Variants in PCDHGB4 observed in about 807,000 individuals in gnomAD.
PCDHGB4 encodes protocadherin gamma-B4.
In PCDHGB4, 38 loss-of-function variants were observed where a neutral mutation model predicts 60.5. The ratio of observed to expected loss-of-function variants is 0.63; its 90% CI spans 0.48 to 0.82. The LOEUF (loss-of-function observed/expected upper bound fraction) is 0.82. Among genes scored for constraint, PCDHGB4 ranks in the 40% least tolerant of loss-of-function variants. The pLI, the probability that PCDHGB4 is intolerant of heterozygous loss-of-function variation, is 0.00. For synonymous variants in PCDHGB4, 456 were observed against 509.7 expected (o/e 0.89, Z 1.42); for missense variants, 1,109 against 1,209.6 (o/e 0.92, Z 1.23).
At chr5:141,403,686 G>T in intron 1 of PCDHGB4, 1 of 1,613,824 alleles carries the variant, frequency 6.2e-7, no homozygotes, top group Non-Finnish European at 8.5e-7. Context: ...TTTGCTCAAC[G>T]GATTTACCGA....
chr5:141,427,129 T>A lies in PCDHGB4; in HGVS notation c.2397+36848T>A, dbSNP rs752552669. ...GAGATCACCTACTCTTTCAAATCCC[T>A]ACGAGATGATATTGGAAATATGTTT... On this transcript the variant is annotated intron_variant, in intron 1 of 3. Coordinates refer to ENST00000519479, the MANE Select transcript of PCDHGB4 (RefSeq NM_003736.4). 125 of 457,106 alleles carry A rather than the reference T, an allele frequency of 2.7e-4. 2 individuals are homozygous for A. Among genetic ancestry groups the A allele is most frequent in the Non-Finnish European group, 4.0e-5 (9 of 227,024 alleles). The allele number at this position is 457,106 out of a possible 1,614,324, so 28.3% of individuals were successfully genotyped here.
Position 141,476,160 on chromosome 5 carries a change from G to A in PCDHGB4, c.2398-18647G>A, listed in dbSNP as rs781765205. 4.3e-6 allele frequency: 7 copies of A among 1,612,858 alleles called. No homozygotes were observed. The highest frequency in any genetic ancestry group is 5.9e-6 in the Non-Finnish European group (7 of 1,179,926). On this transcript the variant is annotated intron_variant, in intron 1 of 3. Coordinates refer to ENST00000519479, the MANE Select transcript of PCDHGB4 (RefSeq NM_003736.4). This position sits in a 1 kb window ranked among gnomAD's most constrained non-coding sequence, Gnocchi z 7.6. ...AGGAGCGGACTGGTAAGCACCGGGA[G>A]GGTAGTGGGAGTTTTGCTTCTGCTT...
At chr5:141,414,748 G>T (rs765780935) in intron 1 of PCDHGB4, 1 of 1,614,182 alleles carries the variant, frequency 6.2e-7, no homozygotes, top group South Asian at 1.1e-5. Context: ...CAGATCCTTC[G>T]ACTATGAGCA....
chr5:141,433,634 G>T (rs2097636752), intron 1 of PCDHGB4, among the ~76,000 whole-genome samples: 1 of 152,078 alleles, frequency 6.6e-6, no homozygotes, highest in Admixed American at 6.5e-5. Flanking sequence ...TTGGGAGTTT[G>T]AGACCAGCCT....
chr5:141,389,652 G>C lies in PCDHGB4; in HGVS notation c.1768G>C (p.Val590Leu). The part of the protein sequence containing the change: ...AEPGYLVTKV[V>L]AVDADSGHNA... ...GCCTGGCTACTTGGTGACCAAGGTA[G>C]TGGCGGTGGACGCAGACTCAGGACA... The change falls in exon 1 of 4, where the codon GTG becomes CTG. Residue 590 changes from valine to leucine, a missense_variant. Transcript: ENST00000519479. The C allele has an allele frequency of 6.2e-7, 1 of 1,612,638 alleles. No homozygotes were observed. The highest frequency in any genetic ancestry group is 1.1e-5 in the South Asian group (1 of 91,060).
At chr5:141,404,520 A>C (rs1483361714) in intron 1 of PCDHGB4, 2 of 1,613,916 alleles carry the variant, frequency 1.2e-6, no homozygotes, top group Non-Finnish European at 1.7e-6. Context: ...TTTGACTATG[A>C]GCAGTTTAGA....
In PCDHGB4 at chr5:141,491,681, C is replaced by A; in HGVS notation, c.2398-3126C>A. The A allele has an allele frequency of 6.2e-7, 1 of 1,613,458 alleles. No individual in the cohort carries two copies. Among genetic ancestry groups the A allele is most frequent in the Non-Finnish European group, 8.5e-7 (1 of 1,179,804 alleles). ...GACGCCATCCGGTCCCGCTCTAATA[C>A]GCTGCGGGAGCGGAGCCAGGTGAGG... On this transcript the variant is annotated intron_variant, in intron 1 of 3. Coordinates refer to ENST00000519479, the MANE Select transcript of PCDHGB4 (RefSeq NM_003736.4). This position sits in a 1 kb window ranked among gnomAD's most constrained non-coding sequence, Gnocchi z 6.9.
At chr5:141,465,323 G>A (rs757662972) in intron 1 of PCDHGB4, among the ~76,000 whole-genome samples, 1 of 152,138 alleles carries the variant, frequency 6.6e-6, no homozygotes, top group Non-Finnish European at 1.5e-5. Flanking sequence ...TGTCAATGCA[G>A]TATTTTTTAT....
In PCDHGB4 at chr5:141,486,047, C is replaced by T. The variant is rs763394605; in HGVS notation, c.2398-8760C>T. Reference sequence around the variant, plus strand: ...TCATACCCCTGATCGTGTAAGAAACCTCTTTAGCCTGCACCCCACTACTGG... The same window carrying T: ...TCATACCCCTGATCGTGTAAGAAACTTCTTTAGCCTGCACCCCACTACTGG... On this transcript the variant is annotated intron_variant, in intron 1 of 3. Transcript: ENST00000519479. The surrounding 1 kb of genome is among the most constrained non-coding windows in gnomAD (Gnocchi z 5.0). 2.5e-6 allele frequency: 4 copies of T among 1,614,054 alleles called. No individual in the cohort carries two copies. The African/African-American group carries it at 5.3e-5, about 22-fold the overall frequency.
In PCDHGB4 at chr5:141,485,578, G is replaced by A; in HGVS notation, c.2398-9229G>A. ...ATGATCACGCCCCCCGTTTTCCGCG[G>A]CAGCAGCTGGACTTGGAAATTGGGG... is the stretch of plus-strand genomic sequence containing the variant. On this transcript the variant is annotated intron_variant, in intron 1 of 3. Transcript: ENST00000519479. This position sits in a 1 kb window ranked among gnomAD's most constrained non-coding sequence, Gnocchi z 5.7. 6.2e-7 allele frequency: 1 copy of A among 1,612,362 alleles called. No homozygotes were observed. Among genetic ancestry groups the A allele is most frequent in the Non-Finnish European group, 8.5e-7 (1 of 1,178,688 alleles).
At chr5:141,438,018 G>A (rs959672278) in intron 1 of PCDHGB4, among the ~76,000 whole-genome samples, 1 of 152,082 alleles carries the variant, frequency 6.6e-6, no homozygotes, top group African/African-American at 2.4e-5. Context: ...TGAGATTACA[G>A]GTGTGAGCCA....
At position 141,400,271 on chromosome 5, in the gene PCDHGB4, C is replaced by A. The variant is rs2093993934; in HGVS notation, c.2397+9990C>A. The A allele has an allele frequency of 4.3e-6, 7 of 1,614,094 alleles. No individual in the cohort carries two copies. In the African/African-American group the frequency reaches 9.3e-5, roughly 21 times the overall value. The stretch of plus-strand genomic sequence containing the variant: ...GTTGCCTTGCGCCTGCGACGCTCCT[C>A]CAGCCCTGCCGCCTGGAGCTGCTTC... On this transcript the variant is annotated intron_variant, in intron 1 of 3. Transcript: ENST00000519479.
rs921020435 is a variant in PCDHGB4, at chr5:141,477,853, G to A, written c.2398-16954G>A. 5.0e-6 allele frequency: 8 copies of A among 1,613,344 alleles called. No homozygotes were observed. The East Asian group carries it at 1.6e-4, about 31-fold the overall frequency. On this transcript the variant is annotated intron_variant, in intron 1 of 3. Coordinates refer to ENST00000519479, the MANE Select transcript of PCDHGB4 (RefSeq NM_003736.4). The surrounding 1 kb of genome is among the most constrained non-coding windows in gnomAD (Gnocchi z 4.9). The stretch of plus-strand genomic sequence containing the variant: ...GGCCAGGTGGGAGCTCGGTGGAGAT[G>A]CTGCCTCGAGGTACCTCAGCTGGCC...
chr5:141,431,474 G>T lies in PCDHGB4; in HGVS notation c.2397+41193G>T, dbSNP rs747313827. 3.7e-6 allele frequency: 6 copies of T among 1,613,842 alleles called. No homozygotes were observed. The South Asian group carries it at 6.6e-5, about 18-fold the overall frequency. ...GATGGTTCTGGATGCGAACGACAAC[G>T]CACCAGCGTTTGCTCAGCCCGAGTA... is the stretch of plus-strand genomic sequence containing the variant. On this transcript the variant is annotated intron_variant, in intron 1 of 3. Transcript: ENST00000519479. The surrounding 1 kb of genome is among the most constrained non-coding windows in gnomAD (Gnocchi z 4.8).
At position 141,431,954 on chromosome 5, in the gene PCDHGB4, G is replaced by A. The variant is rs912037044; in HGVS notation, c.2397+41673G>A. 6.2e-7 allele frequency: 1 copy of A among 1,613,992 alleles called. No individual in the cohort carries two copies. Among genetic ancestry groups the A allele is most frequent in the African/African-American group, 1.3e-5 (1 of 74,896 alleles). ...GCCCTTTAAATTAGAAAAATCTTAC[G>A]GAAATTACTATAGTTTAGTCACAGA... is the stretch of plus-strand genomic sequence containing the variant. On this transcript the variant is annotated intron_variant, in intron 1 of 3. Coordinates refer to ENST00000519479, the MANE Select transcript of PCDHGB4 (RefSeq NM_003736.4). This position sits in a 1 kb window ranked among gnomAD's most constrained non-coding sequence, Gnocchi z 4.8.
Position 141,490,526 on chromosome 5 carries a change from C to T in PCDHGB4, c.2398-4281C>T, listed in dbSNP as rs1270447529. 6.2e-7 allele frequency: 1 copy of T among 1,614,116 alleles called. No homozygotes were observed. Among genetic ancestry groups the T allele is most frequent in the Non-Finnish European group, 8.5e-7 (1 of 1,180,008 alleles). ...ATCATCGAGCTGCTGGCCAGCGATGCTGGTTCACCTTCCCTACACAAACAT... is the reference window on the plus strand; with the variant it reads ...ATCATCGAGCTGCTGGCCAGCGATGTTGGTTCACCTTCCCTACACAAACAT... On this transcript the variant is annotated intron_variant, in intron 1 of 3. Coordinates refer to ENST00000519479, the MANE Select transcript of PCDHGB4 (RefSeq NM_003736.4). The surrounding 1 kb of genome is among the most constrained non-coding windows in gnomAD (Gnocchi z 5.4).
chr5:141,414,243 A>G (rs2154544977), intron 1 of PCDHGB4: 1 of 1,613,556 alleles, frequency 6.2e-7, no homozygotes. Context: ...TCACGTCTCT[A>G]TTTAGTCCAG....
intron 1 of PCDHGB4, chr5:141,475,926 G>C: frequency 4.8e-6 from 3 of 619,440 alleles, no homozygotes; most frequent in East Asian, 2.9e-5. Context: ...GCTGGAGATC[G>C]GGCCCCTGCC....
Position 141,432,979 on chromosome 5 carries a change from TGTGGGC to T in PCDHGB4, c.2397+42703_2397+42708del. 1 of 1,614,228 alleles carries T rather than the reference TGTGGGC, an allele frequency of 6.2e-7. No individual in the cohort carries two copies. On this transcript the variant is annotated intron_variant, in intron 1 of 3. Coordinates refer to ENST00000519479, the MANE Select transcript of PCDHGB4 (RefSeq NM_003736.4). The surrounding 1 kb of genome is among the most constrained non-coding windows in gnomAD (Gnocchi z 6.0). ...TGACAGGAGCGCCGGCGTCGCACTTTGTGGGCGTGGACGGGGTGCAGGCTTTCCTGC... is the reference window on the plus strand; with the variant it reads ...TGACAGGAGCGCCGGCGTCGCACTTTGTGGACGGGGTGCAGGCTTTCCTGC...
Sources: gnomAD v4.1 joint callset for allele counts (sites outside exome capture counted in the v4.1 genomes callset) on GRCh38, gnomAD v4.1.1 for gene constraint, Gnocchi (gnomAD v3.1) non-coding constraint, MANE v1.5 for transcripts, NCBI Gene and HGNC (gene_info 2026-07-23, HGNC 2026-07-21) for gene names.